The following TNNI3K variants were observed in gnomAD, a reference collection of about 807,000 sequenced individuals.
TNNI3K encodes TNNI3 interacting kinase.
TNNI3K carries 140 observed loss-of-function variants against 114.5 expected under a neutral mutation model. The ratio of observed to expected loss-of-function variants is 1.22; its 90% CI spans 1.07 to 1.41. The LOEUF is 1.41. TNNI3K is among the 40% of genes most tolerant of loss of function. The pLI is 0.00. For missense variants in TNNI3K, 1,125 were observed against 1,007.6 expected (o/e 1.12, Z -1.58); for synonymous variants, 347 against 347.5 (o/e 1.00, Z 0.02).
intron 21 of TNNI3K, among the ~76,000 whole-genome samples, chr1:74,487,107 C>T (rs535391670): frequency 5.9e-5 from 9 of 152,082 alleles, no homozygotes; most frequent in South Asian, 4.1e-4. Flanking sequence ...TGAAGGAGGA[C>T]GTTAAGGGTT....
intron 23 of TNNI3K, among the ~76,000 whole-genome samples, chr1:74,503,887 G>A (rs1408389653): frequency 6.6e-6 from 1 of 152,156 alleles, no homozygotes; most frequent in Non-Finnish European, 1.5e-5. Flanking sequence ...TGATGTGACA[G>A]TGTGAAAGTG....
rs1477744744 is a variant in TNNI3K at position 74,369,517 on chromosome 1, C to A, written c.1599C>A (p.Ser533Arg). The A allele has an allele frequency of 6.2e-7, 1 of 1,612,646 alleles. No homozygotes were observed. Among genetic ancestry groups the A allele is most frequent in the Non-Finnish European group, 8.5e-7 (1 of 1,179,170 alleles). Reference sequence around the variant, plus strand: ...TGGGTGCTTGCTTGAATGATCCCAGCCAGTTTGCCATTGTCACTCAATACA... The same window carrying A: ...TGGGTGCTTGCTTGAATGATCCCAGACAGTTTGCCATTGTCACTCAATACA... ...QFVGACLNDPSQFAIVTQYIS... is the reference protein window; with the variant it reads ...QFVGACLNDPRQFAIVTQYIS... The change falls in exon 16 of 25, where the codon AGC (serine) becomes AGA (arginine). Residue 533 changes from serine to arginine, a missense_variant. By Grantham distance (110) the Ser-to-Arg change is moderately radical. Transcript: ENST00000326637.
At chr1:74,297,512 T>TGTGTGTGC (rs1387656632) in intron 5 of TNNI3K, among the ~76,000 whole-genome samples, 26 of 133,198 alleles carry the variant, frequency 2.0e-4, no homozygotes, top group African/African-American at 6.2e-4. Context: ...TCTTGTCCAG[T>TGTGTGTGC]GTGTGTGTGC....
chr1:74,321,827 C>G (rs1404003745), intron 5 of TNNI3K, among the ~76,000 whole-genome samples: 1 of 151,890 alleles, frequency 6.6e-6, no homozygotes. Context: ...GATTTTTGTA[C>G]TCAAATACTT....
At chr1:74,317,755 G>A (rs963887886) in intron 5 of TNNI3K, among the ~76,000 whole-genome samples, 1 of 152,140 alleles carries the variant, frequency 6.6e-6, no homozygotes, top group African/African-American at 2.4e-5. Flanking sequence ...TCCAGTCTGG[G>A]TAGTGGGAAT....
At chr1:74,283,971 T>A (rs1004786063) in intron 5 of TNNI3K, among the ~76,000 whole-genome samples, 2 of 152,144 alleles carry the variant, frequency 1.3e-5, no homozygotes, top group Non-Finnish European at 2.9e-5. Flanking sequence ...TACAAGGAAT[T>A]TGAAGACTGA....
intron 17 of TNNI3K, among the ~76,000 whole-genome samples, chr1:74,392,047 G>C (rs1570563870): frequency 1.4e-5 from 2 of 140,106 alleles, no homozygotes; most frequent in Admixed American, 1.5e-4. Context: ...CTCACTGCAA[G>C]CTCCGCCTCC....
chr1:74,424,734 A>G (rs918221301), intron 17 of TNNI3K, among the ~76,000 whole-genome samples: 59 of 151,534 alleles, frequency 3.9e-4, no homozygotes, highest in African/African-American at 1.3e-3. Flanking sequence ...AAAAAAAAAA[A>G]AGAGAGAGAC....
At position 74,451,175 on chromosome 1, in the gene TNNI3K, T is replaced by G. The variant is rs183661599; in HGVS notation, c.2011+11553T>G. The stretch of plus-strand genomic sequence containing the variant: ...AAAACCAAACACCACATGTTCTCAC[T>G]TATAAGCGGGAACTAAACAATGAGA... On this transcript the variant is annotated intron_variant, in intron 20 of 24. Coordinates refer to ENST00000326637, the MANE Select transcript of TNNI3K (RefSeq NM_015978.3). Among the ~76,000 whole-genome samples the G allele has an allele frequency of 2.7e-3, 408 of 152,274 alleles. 3 individuals carry two copies. The highest frequency in any genetic ancestry group is 9.4e-3 in the African/African-American group (391 of 41,546).
chr1:74,427,902 T>C (rs1202198974), intron 17 of TNNI3K, among the ~76,000 whole-genome samples: 1 of 152,034 alleles, frequency 6.6e-6, no homozygotes, highest in Admixed American at 6.6e-5. Flanking sequence ...TTCCACTTGC[T>C]TTTTATGGTG....
chr1:74,369,452 A>G lies in TNNI3K; in HGVS notation c.1534A>G (p.Ile512Val), dbSNP rs2100520572. ...DVDMFCREVS[I>V]LCQLNHPCVI... The stretch of plus-strand genomic sequence containing the variant: ...GGATATGTTTTGCCGAGAGGTGTCC[A>G]TTCTCTGCCAGCTCAATCATCCCTG... Residue 512 changes from isoleucine to valine, a missense_variant, in exon 16 of 25, where the codon ATT becomes GTT. Physicochemically the swap from Ile to Val is conservative, Grantham distance 29. Transcript: ENST00000326637. The G allele has an allele frequency of 1.9e-6, 3 of 1,612,660 alleles. No homozygotes were observed. The highest frequency in any genetic ancestry group is 2.5e-6 in the Non-Finnish European group (3 of 1,179,192).
intron 17 of TNNI3K, among the ~76,000 whole-genome samples, chr1:74,429,898 G>T (rs991169188): frequency 6.6e-6 from 1 of 152,112 alleles, no homozygotes; most frequent in Non-Finnish European, 1.5e-5. Context: ...TAGGAAGCCT[G>T]GGAAGCATTG....
intron 23 of TNNI3K, among the ~76,000 whole-genome samples, chr1:74,538,561 A>G (rs1317255154): frequency 6.6e-6 from 1 of 152,126 alleles, no homozygotes. Context: ...ATAATTTTCT[A>G]TAGTTCTGAA....
rs138679288 is a variant in TNNI3K at position 74,465,560 on chromosome 1, G to A, written c.2121+2010G>A. On this transcript the variant is annotated intron_variant, in intron 21 of 24. Coordinates refer to ENST00000326637, the MANE Select transcript of TNNI3K (RefSeq NM_015978.3). ...TCCCCCCCCAACCGTGGGCTCCTGC[G>A]TGGCCCGAGCCTCTCCTATGGGCAC... Among the ~76,000 whole-genome samples, 1,234 of 152,294 alleles carry A rather than the reference G, an allele frequency of 8.1e-3. 15 individuals are homozygous for A. The highest frequency in any genetic ancestry group is 0.028 in the African/African-American group (1,169 of 41,578).
At chr1:74,366,645 T>A (rs1304842610) in intron 11 of TNNI3K, 2 of 151,910 alleles carry the variant, frequency 1.3e-5, no homozygotes, top group African/African-American at 4.8e-5. Flanking sequence ...TTCATGAAAA[T>A]ATGTCGCAAG....
At chr1:74,448,260 T>TAAAAAAAAAAAAAA (rs71588834) in intron 20 of TNNI3K, among the ~76,000 whole-genome samples, 2 of 89,138 alleles carry the variant, frequency 2.2e-5, no homozygotes, top group African/African-American at 8.1e-5. Context: ...TAGAGTATAA[T>TAAAAAAAAAAAAAA]AAAAAAAAAA....
chr1:74,289,568 A>C (rs185624559), intron 5 of TNNI3K, among the ~76,000 whole-genome samples: 2 of 3,650 alleles, frequency 5.5e-4, no homozygotes, highest in African/African-American at 1.9e-3. Context: ...TCTCCAGTCT[A>C]ACATGGGAAT....
chr1:74,472,180 C>G (rs1459345244), intron 21 of TNNI3K: 3 of 716,784 alleles, frequency 4.2e-6, no homozygotes, highest in Non-Finnish European at 5.2e-6. Flanking sequence ...ATATCTTCTT[C>G]TAAATATGTC....
intron 11 of TNNI3K, among the ~76,000 whole-genome samples, chr1:74,360,711 T>A (rs893298641): frequency 6.6e-6 from 1 of 152,084 alleles, no homozygotes; most frequent in East Asian, 1.9e-4. Context: ...CAAGACTTAG[T>A]TTATGGAAGT....
Sources: gnomAD v4.1 joint callset for allele counts (sites outside exome capture counted in the v4.1 genomes callset) on GRCh38, gnomAD v4.1.1 for gene constraint, MANE v1.5 for transcripts, NCBI Gene and HGNC (gene_info 2026-07-23, HGNC 2026-07-21) for gene names.